GPRIN3: variants seen among roughly 807,000 people sequenced by gnomAD.
GPRIN3 encodes the protein GPRIN family member 3.
In GPRIN3, 12 loss-of-function variants were observed where a neutral mutation model predicts 13.7. That is an observed-to-expected ratio of 0.87 (90% CI 0.56 to 1.42). The LOEUF (loss-of-function observed/expected upper bound fraction) is 1.42. GPRIN3 is among the 40% of genes most tolerant of loss of function. The probability of loss-of-function intolerance (pLI) is 0.00; values close to 1 mark genes in which losing one functional copy is unlikely to be tolerated. For synonymous variants in GPRIN3, 377 were observed against 372.7 expected (o/e 1.01, Z -0.13); for missense variants, 1,009 against 958.7 (o/e 1.05, Z -0.69).
chr4:89,242,105 G>A lies in GPRIN3; in HGVS notation c.*5675C>T, dbSNP rs1193012485. The stretch of plus-strand genomic sequence containing the variant: ...TCTCATCATAATTATCACCATGCAG[G>A]TTGATCATCAATATCCTTTTCTAAA... On this transcript the variant is annotated 3_prime_UTR_variant, in exon 2 of 2. Coordinates refer to ENST00000609438, the MANE Select transcript of GPRIN3 (RefSeq NM_198281.3). 5.3e-5 allele frequency: 8 copies of A among 152,182 alleles called. No individual in the cohort carries two copies. The highest frequency in any genetic ancestry group is 3.9e-4 in the Admixed American group (6 of 15,288). The allele number at this position is 152,182 out of a possible 1,614,324, so 9.4% of individuals were successfully genotyped here. A position where few individuals can be genotyped will look rare whatever the true frequency, so the allele number is the denominator to read the frequency against.
chr4:89,259,958 C>G (rs980780746), intron 1 of GPRIN3, among the ~76,000 whole-genome samples: 1 of 152,166 alleles, frequency 6.6e-6, no homozygotes, highest in African/African-American at 2.4e-5. Flanking sequence ...ATGTGTGCCA[C>G]CACACCTGGC....
Position 89,248,895 on chromosome 4 carries a change from G to C in GPRIN3, c.1216C>G (p.Arg406Gly). The stretch of plus-strand genomic sequence containing the variant: ...GGTAGGCTCGCAAGTTTATTTTCCC[G>C]TTGGAAAGCTGTAGACTCAGCTGCA... ...AAAAESTAFQ[R>G]ENKLASLPGG... Residue 406 changes from arginine to glycine, a missense_variant, in exon 2 of 2, where the codon CGG becomes GGG. Arg to Gly is a moderately radical substitution (Grantham distance 125). Transcript: ENST00000609438. 6.2e-7 allele frequency: 1 copy of C among 1,614,138 alleles called. No homozygotes were observed. The highest frequency in any genetic ancestry group is 1.6e-4 in the Middle Eastern group (1 of 6,062).
At chr4:89,275,902 T>TGGGGGTCA (rs1724080212) in intron 1 of GPRIN3, among the ~76,000 whole-genome samples, 1 of 152,188 alleles carries the variant, frequency 6.6e-6, no homozygotes, top group Non-Finnish European at 1.5e-5. Context: ...CTCACCTTAA[T>TGGGGGTCA]GGGGGTCAGT....
At position 89,264,543 on chromosome 4, in the gene GPRIN3, G is replaced by A. The variant is rs1723732557; in HGVS notation, c.-123-14310C>T. 2.6e-5 allele frequency among the ~76,000 whole-genome samples: 4 copies of A among 152,206 alleles called. No individual in the cohort carries two copies. In the South Asian group the frequency reaches 8.3e-4, roughly 32 times the overall value. On this transcript the variant is annotated intron_variant, in intron 1 of 1. Transcript: ENST00000609438. ...TTCTCTTCCCTGCATACTTGGGGAA[G>A]AGAGTTCTAGGCAGAGGGTGCAGCT... is the stretch of plus-strand genomic sequence containing the variant.
chr4:89,292,924 A>T (rs543995873), intron 1 of GPRIN3, among the ~76,000 whole-genome samples: 24 of 152,364 alleles, frequency 1.6e-4, no homozygotes, highest in African/African-American at 5.8e-4. Context: ...TCAACCAGCC[A>T]CATGGGAGTT....
At chr4:89,289,972 A>T (rs1477888372) in intron 1 of GPRIN3, among the ~76,000 whole-genome samples, 2 of 151,678 alleles carry the variant, frequency 1.3e-5, no homozygotes, top group African/African-American at 4.8e-5. Flanking sequence ...ATCCTCCCAT[A>T]CTACAGCCAA....
chr4:89,279,329 C>T lies in GPRIN3; in HGVS notation c.-124+28286G>A, dbSNP rs150635502. Among the ~76,000 whole-genome samples the T allele has an allele frequency of 7.7e-3, 1,172 of 152,256 alleles. 23 individuals carry two copies. The highest frequency in any genetic ancestry group is 0.027 in the African/African-American group (1,108 of 41,522). On this transcript the variant is annotated intron_variant, in intron 1 of 1. Transcript: ENST00000609438. The stretch of plus-strand genomic sequence containing the variant: ...CAACTTTTTCCTGTCTCACCACCCG[C>T]GCCCTGCCACCATGGCCATACCCTA...
intron 1 of GPRIN3, among the ~76,000 whole-genome samples, chr4:89,287,694 A>T (rs969301180): frequency 6.6e-6 from 1 of 152,220 alleles, no homozygotes; most frequent in Non-Finnish European, 1.5e-5. Flanking sequence ...AGGTTAAGAA[A>T]ATGGATTTAA....
intron 1 of GPRIN3, among the ~76,000 whole-genome samples, chr4:89,292,470 T>C (rs72872584): frequency 1.5e-3 from 222 of 152,342 alleles, no homozygotes; most frequent in African/African-American, 4.9e-3. Context: ...AGATCACATA[T>C]ATTTCAATGT....
In GPRIN3 at chr4:89,240,220, T is replaced by C. The variant is rs1417472135; in HGVS notation, c.*7560A>G. On this transcript the variant is annotated 3_prime_UTR_variant, in exon 2 of 2. Transcript: ENST00000609438. The stretch of plus-strand genomic sequence containing the variant: ...GTTAGAATCCACACAGTATTACCTG[T>C]TATTGATAATACTAATTTTTTGTTT... 6.6e-6 allele frequency: 1 copy of C among 152,208 alleles called. No homozygotes were observed. Among genetic ancestry groups the C allele is most frequent in the Non-Finnish European group, 1.5e-5 (1 of 68,044 alleles). 9.4% of individuals were successfully genotyped at this position (152,208 alleles called of 1,614,324 possible). A position where few individuals can be genotyped will look rare whatever the true frequency, so the allele number is the denominator to read the frequency against.
chr4:89,272,197 G>A (rs904247152), intron 1 of GPRIN3, among the ~76,000 whole-genome samples: 1 of 152,154 alleles, frequency 6.6e-6, no homozygotes, highest in African/African-American at 2.4e-5. Flanking sequence ...TATGGAGGGT[G>A]GTGGAGGAAA....
chr4:89,292,954 T>C (rs565192420), intron 1 of GPRIN3, among the ~76,000 whole-genome samples: 2 of 152,328 alleles, frequency 1.3e-5, no homozygotes, highest in African/African-American at 2.4e-5. Context: ...AACTTTTATA[T>C]TGTAGGATGA....
chr4:89,259,912 C>T (rs1473950368), intron 1 of GPRIN3, among the ~76,000 whole-genome samples: 1 of 152,220 alleles, frequency 6.6e-6, no homozygotes, highest in African/African-American at 2.4e-5. Flanking sequence ...TCAAGCAGTA[C>T]TCTTGCCTCA....
chr4:89,300,278 G>A (rs1213481348), intron 1 of GPRIN3, among the ~76,000 whole-genome samples: 1 of 152,072 alleles, frequency 6.6e-6, no homozygotes, highest in African/African-American at 2.4e-5. Context: ...ATACCTACAG[G>A]TTTGGGGTAG....
rs779383560 is a variant in GPRIN3, at chr4:89,247,843, C to T, written c.2268G>A (p.Met756Ile). The change falls in exon 2 of 2, where the codon ATG (methionine) becomes ATA (isoleucine). Residue 756 changes from methionine to isoleucine, a missense_variant. Coordinates refer to ENST00000609438, the MANE Select transcript of GPRIN3 (RefSeq NM_198281.3). ...RGRQHSVFQS[M>I]LQNFRRPNCC... ...AGTTGGGGCGTCGGAAGTTCTGCAG[C>T]ATGGACTGGAAAACACTGTGCTGCC... The T allele has an allele frequency of 2.5e-6, 4 of 1,614,110 alleles. No homozygotes were observed. In the Admixed American group the frequency reaches 6.7e-5, roughly 27 times the overall value.
chr4:89,248,454 C>T lies in GPRIN3; in HGVS notation c.1657G>A (p.Gly553Ser). 1 of 1,613,326 alleles carries T rather than the reference C, an allele frequency of 6.2e-7. No individual in the cohort carries two copies. The highest frequency in any genetic ancestry group is 8.5e-7 in the Non-Finnish European group (1 of 1,179,740). ...GTTTTGGCATCCGAGGTATCAGTGCCAGTAGACTCTTTTTCTTTTACTACC... is the reference window on the plus strand; with the variant it reads ...GTTTTGGCATCCGAGGTATCAGTGCTAGTAGACTCTTTTTCTTTTACTACC... ...PQVVKEKESTGTDTSDAKTLL... is the reference protein window; with the variant it reads ...PQVVKEKESTSTDTSDAKTLL... Residue 553 changes from glycine (G) to serine (S), a missense_variant, in exon 2 of 2, where the codon GGC (glycine) becomes AGC (serine). Physicochemically the swap from Gly to Ser is moderately conservative, Grantham distance 56. Transcript: ENST00000609438.
intron 1 of GPRIN3, among the ~76,000 whole-genome samples, chr4:89,251,748 TG>T (rs1441616333): frequency 2.0e-5 from 3 of 152,190 alleles, no homozygotes; most frequent in Non-Finnish European, 4.4e-5. Context: ...ACACTGCATA[TG>T]TATGCATACA....
chr4:89,254,924 T>C (rs1298681079), intron 1 of GPRIN3, among the ~76,000 whole-genome samples: 1 of 152,214 alleles, frequency 6.6e-6, no homozygotes, highest in Non-Finnish European at 1.5e-5. Context: ...TATTTATTGT[T>C]AAGGTTTGCA....
chr4:89,283,027 T>TA (rs1174424012), intron 1 of GPRIN3, among the ~76,000 whole-genome samples: 1 of 152,194 alleles, frequency 6.6e-6, no homozygotes, highest in Admixed American at 6.5e-5. Context: ...CGTTCAGGCC[T>TA]AAAAAGACCG....
Sources: gnomAD v4.1 joint callset for allele counts (sites outside exome capture counted in the v4.1 genomes callset) on GRCh38, gnomAD v4.1.1 for gene constraint, MANE v1.5 for transcripts, NCBI Gene and HGNC (gene_info 2026-07-23, HGNC 2026-07-21) for gene names.